Variants in DYSF observed in about 807,000 individuals in gnomAD.
The protein encoded by DYSF is dystrophy-associated fer-1-like 1.
DYSF carries 212 observed loss-of-function variants against 274.9 expected under a neutral mutation model. That is an observed-to-expected ratio of 0.77 (90% CI 0.69 to 0.86). The LOEUF is 0.86. Ranked by LOEUF, DYSF falls within the 40% of genes least tolerant of loss-of-function variation. The pLI is 0.00. For missense variants in DYSF, 2,666 were observed against 2,783.2 expected (o/e 0.96, Z 0.95); for synonymous variants, 1,091 against 1,078.7 (o/e 1.01, Z -0.22).
chr2:71,513,599 G>C, intron 6 of DYSF, 117 bp from the exon 7 acceptor site: 1 of 1,045,940 alleles, frequency 9.6e-7, no homozygotes. Context: ...GAGGAAGAGG[G>C]GATGAGTCTT....
chr2:71,475,965 C>A (rs2082363499), intron 1 of DYSF, among the ~76,000 whole-genome samples: 1 of 151,940 alleles, frequency 6.6e-6, no homozygotes, highest in African/African-American at 2.4e-5. Flanking sequence ...AGAGATGGAG[C>A]CCCACTATAT....
intron 17 of DYSF, among the ~76,000 whole-genome samples, chr2:71,546,334 G>C (rs569485216): frequency 6.6e-6 from 1 of 152,218 alleles, no homozygotes; most frequent in Non-Finnish European, 1.5e-5. Context: ...AAATGAAACT[G>C]AACTGTAAAA....
intron 42 of DYSF, among the ~76,000 whole-genome samples, chr2:71,645,545 G>A (rs1313858243): frequency 6.6e-6 from 1 of 151,646 alleles, no homozygotes; most frequent in Non-Finnish European, 1.5e-5. Flanking sequence ...AGGGTCTTGG[G>A]GGTTTTTATA....
rs749288662 is a variant in DYSF at position 71,520,901 on chromosome 2, G to T, written c.1146G>T (p.Ala382=). Residue 382 remains alanine (A), a synonymous_variant, in exon 12 of 56, where the codon GCG becomes GCT. Coordinates refer to ENST00000410020, the MANE Select transcript of DYSF (RefSeq NM_001130987.2). The part of the protein sequence containing the change: ...SLCVLGPGDE[A]PLERKDPSED... ...GTGTGCTGGGGCCTGGGGACGAAGC[G>T]CCTGTGAGTACATTTCCCTGGGTCT... 6.2e-7 allele frequency: 1 copy of T among 1,613,982 alleles called. No homozygotes were observed. The highest frequency in any genetic ancestry group is 1.1e-5 in the South Asian group (1 of 91,078).
intron 44 of DYSF, among the ~76,000 whole-genome samples, chr2:71,659,844 G>A (rs1331541474): frequency 1.3e-5 from 2 of 152,232 alleles, no homozygotes. Context: ...GGTGGGGCCT[G>A]ATTTGCCTTT....
intron 3 of DYSF, among the ~76,000 whole-genome samples, chr2:71,484,134 C>A (rs1430320386): frequency 7.1e-6 from 1 of 140,810 alleles, no homozygotes; most frequent in Non-Finnish European, 1.5e-5. Flanking sequence ...CTCACTGCAA[C>A]CTCCACCTCC....
rs779337301 is a variant in DYSF, at chr2:71,556,059, T to G, written c.2204T>G (p.Ile735Ser). The G allele has an allele frequency of 6.4e-7, 1 of 1,572,074 alleles. No individual in the cohort carries two copies. Among genetic ancestry groups the G allele is most frequent in the African/African-American group, 1.3e-5 (1 of 74,624 alleles). Reference sequence around the variant, plus strand: ...GTGGCTCAGCTGACGGATGAGCTCATCGCAGGCTGCAGGTAGGGGGGACCT... The same window carrying G: ...GTGGCTCAGCTGACGGATGAGCTCAGCGCAGGCTGCAGGTAGGGGGGACCT... ...SLVAQLTDEL[I>S]AGCSQPLGDI... The change falls in exon 22 of 56, where the codon ATC (isoleucine) becomes AGC (serine). Residue 735 changes from isoleucine to serine, a missense_variant. Coordinates refer to ENST00000410020, the MANE Select transcript of DYSF (RefSeq NM_001130987.2).
intron 12 of DYSF, among the ~76,000 whole-genome samples, chr2:71,524,354 G>A (rs1420014790): frequency 6.6e-6 from 1 of 152,176 alleles, no homozygotes; most frequent in South Asian, 2.1e-4. Context: ...AGTACGGCAG[G>A]TCTTGTACAC....
intron 6 of DYSF, 90 bp downstream of exon 6, chr2:71,513,422 G>A: frequency 7.3e-7 from 1 of 1,377,274 alleles, no homozygotes. Context: ...AGCGGGGCCA[G>A]GTGGCAGAGG....
At chr2:71,675,988 A>G (rs954869351) in intron 52 of DYSF, among the ~76,000 whole-genome samples, 1 of 152,152 alleles carries the variant, frequency 6.6e-6, no homozygotes, top group Non-Finnish European at 1.5e-5. Context: ...GTCAGTAGGT[A>G]TCGATCTGCA....
At chr2:71,680,657 C>T (rs2095284597) in intron 53 of DYSF, among the ~76,000 whole-genome samples, 1 of 152,174 alleles carries the variant, frequency 6.6e-6, no homozygotes, top group Non-Finnish European at 1.5e-5. Context: ...GAATAGACAA[C>T]TACATAGTGA....
At chr2:71,553,339 C>T in intron 20 of DYSF, 151 bp downstream of exon 20, 1 of 1,136,688 alleles carries the variant, frequency 8.8e-7, no homozygotes, top group South Asian at 1.4e-5. Context: ...TCCCCTTGCT[C>T]TCCTCCAGGC....
chr2:71,539,792 T>C (rs553227810), intron 17 of DYSF, among the ~76,000 whole-genome samples: 1 of 152,370 alleles, frequency 6.6e-6, no homozygotes, highest in South Asian at 2.1e-4. Context: ...TGGGTATGTG[T>C]ATATATACAT....
intron 33 of DYSF, 104 bp downstream of exon 33, chr2:71,598,849 T>A (rs1021044790): frequency 4.5e-6 from 6 of 1,324,116 alleles, no homozygotes; most frequent in Non-Finnish European, 6.4e-6. Flanking sequence ...GGTGCTCTCC[T>A]AACTCCACGG....
intron 3 of DYSF, among the ~76,000 whole-genome samples, chr2:71,496,416 G>A (rs1034973333): frequency 2.6e-5 from 4 of 152,152 alleles, no homozygotes; most frequent in African/African-American, 4.8e-5. Flanking sequence ...GGAACACGGG[G>A]ACAAGCGCCT....
intron 36 of DYSF, among the ~76,000 whole-genome samples, chr2:71,608,539 T>A (rs2093687121): frequency 6.6e-6 from 1 of 152,134 alleles, no homozygotes; most frequent in African/African-American, 2.4e-5. Context: ...TCTGCCTGTC[T>A]CTTCCTTCTG....
chr2:71,686,584 C>A lies in DYSF; in HGVS notation c.*92C>A, dbSNP rs1016297967. 8 of 1,454,184 alleles carry A rather than the reference C, an allele frequency of 5.5e-6. No individual in the cohort carries two copies. Among genetic ancestry groups the A allele is most frequent in the Non-Finnish European group, 7.7e-6 (8 of 1,040,586 alleles). 90.1% of individuals were successfully genotyped at this position (1,454,184 alleles called of 1,614,324 possible). ...GCCCAGCTCGGCGAGCTCCTCCAGACCTCCTAGGCCTGATTGTCCTGCCAG... is the reference window on the plus strand; with the variant it reads ...GCCCAGCTCGGCGAGCTCCTCCAGAACTCCTAGGCCTGATTGTCCTGCCAG... On this transcript the variant is annotated 3_prime_UTR_variant, in exon 56 of 56. Coordinates refer to ENST00000410020, the MANE Select transcript of DYSF (RefSeq NM_001130987.2).
chr2:71,479,067 G>T (rs59355617), intron 1 of DYSF, among the ~76,000 whole-genome samples: 4,014 of 151,824 alleles, frequency 0.026, 159 homozygotes, highest in African/African-American at 0.091. Context: ...CGTGGTCCAG[G>T]CAGGACTCTC....
At chr2:71,528,226 C>T in intron 13 of DYSF, 72 bp from the exon 14 acceptor site, 1 of 1,376,620 alleles carries the variant, frequency 7.3e-7, no homozygotes, top group Non-Finnish European at 1.0e-6. Context: ...TGCCTGGAGA[C>T]AGATGGGGGA....
Sources: gnomAD v4.1 joint callset for allele counts (sites outside exome capture counted in the v4.1 genomes callset) on GRCh38, gnomAD v4.1.1 for gene constraint, MANE v1.5 for transcripts, NCBI Gene and HGNC (gene_info 2026-07-23, HGNC 2026-07-21) for gene names.